The following IPCEF1 variants were observed in gnomAD, a reference collection of about 807,000 sequenced individuals.
IPCEF1 encodes the protein interaction protein for cytohesin exchange factors 1.
IPCEF1 carries 31 observed loss-of-function variants against 50.9 expected under a neutral mutation model. The observed-to-expected ratio is 0.61, with a 90% confidence interval of 0.46 to 0.82. IPCEF1 has a LOEUF of 0.82. IPCEF1 is among the 40% of genes least tolerant of loss of function. The probability of loss-of-function intolerance (pLI) is 0.00; values close to 1 mark genes in which losing one functional copy is unlikely to be tolerated. For synonymous variants in IPCEF1, 181 were observed against 192.0 expected (o/e 0.94, Z 0.47); for missense variants, 458 against 514.0 (o/e 0.89, Z 1.05).
At chr6:154,175,538 A>G (rs1800246303) in intron 10 of IPCEF1, among the ~76,000 whole-genome samples, 1 of 152,198 alleles carries the variant, frequency 6.6e-6, no homozygotes, top group Non-Finnish European at 1.5e-5. Context: ...AGAATACTAT[A>G]AACACCTCTA....
At chr6:154,182,675 G>A (rs529729542) in intron 10 of IPCEF1, among the ~76,000 whole-genome samples, 39 of 152,178 alleles carry the variant, frequency 2.6e-4, no homozygotes, top group Admixed American at 1.3e-3. Flanking sequence ...AGTTGAATGA[G>A]AACAAAATGG....
In IPCEF1 at chr6:154,203,341, G is replaced by A. The variant is rs190145151; in HGVS notation, c.538-3301C>T. Among the ~76,000 whole-genome samples, 24 of 152,148 alleles carry A rather than the reference G, an allele frequency of 1.6e-4. 1 individual carries two copies. In the South Asian group the frequency reaches 3.3e-3, roughly 21 times the overall value. On this transcript the variant is annotated intron_variant, in intron 9 of 11. Coordinates refer to ENST00000367220, the MANE Select transcript of IPCEF1 (RefSeq NM_001130700.2). ...TAGGTGCTTTGCCTGGTGCTTCTGC[G>A]GTTATTTCTATCATAATAGGTGGAA...
intron 1 of IPCEF1, among the ~76,000 whole-genome samples, chr6:154,346,121 C>A (rs1784024995): frequency 6.6e-6 from 1 of 152,162 alleles, no homozygotes; most frequent in Non-Finnish European, 1.5e-5. Context: ...CTGCCCACCT[C>A]AGTGTCCCAA....
chr6:154,274,941 A>G (rs1198285667), intron 2 of IPCEF1, among the ~76,000 whole-genome samples: 1 of 152,228 alleles, frequency 6.6e-6, no homozygotes, highest in African/African-American at 2.4e-5. Context: ...CTGCCTGGAG[A>G]GTAGTTGTTG....
chr6:154,210,905 T>C (rs1023627086), intron 9 of IPCEF1, among the ~76,000 whole-genome samples: 7 of 152,340 alleles, frequency 4.6e-5, no homozygotes, highest in Middle Eastern at 3.4e-3. Flanking sequence ...TGACCACAAT[T>C]CTCCACTGAC....
intron 2 of IPCEF1, among the ~76,000 whole-genome samples, chr6:154,268,969 AGTTT>A (rs1318788021): frequency 6.6e-6 from 1 of 152,172 alleles, no homozygotes; most frequent in East Asian, 1.9e-4. Context: ...TATTCATAGA[AGTTT>A]TCATCATTGT....
At chr6:154,254,457 A>C (rs1781412694) in intron 3 of IPCEF1, among the ~76,000 whole-genome samples, 1 of 152,172 alleles carries the variant, frequency 6.6e-6, no homozygotes, top group African/African-American at 2.4e-5. Flanking sequence ...ATCTTGTGAA[A>C]ACTCACTCAA....
At chr6:154,184,108 A>C (rs149937859) in intron 10 of IPCEF1, among the ~76,000 whole-genome samples, 2 of 151,876 alleles carry the variant, frequency 1.3e-5, no homozygotes, top group East Asian at 3.9e-4. Flanking sequence ...ATTTAAGAGA[A>C]AGTTTTCAGT....
chr6:154,282,507 C>A (rs998427350), intron 2 of IPCEF1, among the ~76,000 whole-genome samples: 5 of 151,966 alleles, frequency 3.3e-5, no homozygotes, highest in African/African-American at 9.7e-5. Flanking sequence ...ACGGTGAAAC[C>A]CTATCTCTAC....
chr6:154,291,096 G>A (rs1562581649), intron 1 of IPCEF1, among the ~76,000 whole-genome samples: 1 of 151,998 alleles, frequency 6.6e-6, no homozygotes, highest in African/African-American at 2.4e-5. Context: ...GTTTTGCCAT[G>A]TTGGTCAGGC....
intron 10 of IPCEF1, among the ~76,000 whole-genome samples, chr6:154,191,397 G>C (rs1012843339): frequency 2.0e-5 from 3 of 152,116 alleles, no homozygotes; most frequent in Admixed American, 6.5e-5. Context: ...CCCCATGCCA[G>C]GCGCGGTGGC....
At chr6:154,300,663 GAAGCA>G (rs1782768627) in intron 1 of IPCEF1, among the ~76,000 whole-genome samples, 1 of 151,956 alleles carries the variant, frequency 6.6e-6, no homozygotes, top group African/African-American at 2.4e-5. Context: ...AACAAAAAAA[GAAGCA>G]AAGTAGATTT....
chr6:154,223,107 G>T, intron 6 of IPCEF1, 63 bp downstream of exon 6: 1 of 1,268,646 alleles, frequency 7.9e-7, no homozygotes, highest in Non-Finnish European at 1.2e-6. Context: ...ATATCCCTTG[G>T]TGAACATTAT....
At chr6:154,356,032 G>C (rs1026038319) in intron 1 of IPCEF1, among the ~76,000 whole-genome samples, 3 of 152,064 alleles carry the variant, frequency 2.0e-5, no homozygotes, top group Admixed American at 1.3e-4. Flanking sequence ...GAACACATAG[G>C]CCACTCAAGA....
chr6:154,337,684 A>G (rs559930497), intron 1 of IPCEF1, among the ~76,000 whole-genome samples: 81 of 152,322 alleles, frequency 5.3e-4, no homozygotes, highest in Non-Finnish European at 9.8e-4. Flanking sequence ...GGAGGGAGGA[A>G]CCAGGTTGGC....
chr6:154,217,112 C>T, intron 7 of IPCEF1: 1 of 162,828 alleles, frequency 6.1e-6, no homozygotes, highest in Non-Finnish European at 1.4e-5. Flanking sequence ...TGTACCATTC[C>T]AGCCTTCCAA....
intron 3 of IPCEF1, among the ~76,000 whole-genome samples, chr6:154,260,818 A>AT (rs1781580406): frequency 2.6e-5 from 4 of 151,900 alleles, no homozygotes; most frequent in African/African-American, 4.8e-5. Flanking sequence ...ATATGCTAGT[A>AT]TTATTTATTT....
intron 11 of IPCEF1, among the ~76,000 whole-genome samples, chr6:154,160,978 A>C (rs1173471555): frequency 2.0e-5 from 3 of 152,036 alleles, no homozygotes; most frequent in African/African-American, 7.2e-5. Context: ...CTTACACCCA[A>C]GGCTCCTCAC....
chr6:154,317,905 T>A (rs1368215206), intron 1 of IPCEF1, among the ~76,000 whole-genome samples: 1 of 152,160 alleles, frequency 6.6e-6, no homozygotes, highest in Non-Finnish European at 1.5e-5. Context: ...TCATAGCTAG[T>A]TTGCTTATAA....
Sources: gnomAD v4.1 joint callset for allele counts (sites outside exome capture counted in the v4.1 genomes callset) on GRCh38, gnomAD v4.1.1 for gene constraint, MANE v1.5 for transcripts, NCBI Gene and HGNC (gene_info 2026-07-23, HGNC 2026-07-21) for gene names.